FBXO16: variants seen among roughly 807,000 people sequenced by gnomAD.
The protein encoded by FBXO16 is F-box only protein 16.
In FBXO16, 31 loss-of-function variants were observed where a neutral mutation model predicts 41.0. That is an observed-to-expected ratio of 0.76 (90% CI 0.57 to 1.02). The LOEUF (loss-of-function observed/expected upper bound fraction) is 1.02. FBXO16 is among the 50% of genes least tolerant of loss of function. The pLI is 0.00. For synonymous variants in FBXO16, 133 were observed against 117.8 expected (o/e 1.13, Z -0.84); for missense variants, 361 against 346.2 (o/e 1.04, Z -0.34).
intron 7 of FBXO16, among the ~76,000 whole-genome samples, chr8:28,446,435 A>C (rs1246375617): frequency 6.6e-6 from 1 of 151,064 alleles, no homozygotes. Flanking sequence ...AGCCTCCCAA[A>C]GTACTGGGAT....
intron 4 of FBXO16, 54 bp downstream of exon 4, chr8:28,463,557 CA>C: frequency 1.3e-6 from 2 of 1,580,008 alleles, no homozygotes; most frequent in East Asian, 2.2e-5. Flanking sequence ...TTTCAAGTTT[CA>C]AGTTTCCTAA....
intron 4 of FBXO16, among the ~76,000 whole-genome samples, chr8:28,461,622 A>G (rs1803136132): frequency 6.6e-6 from 1 of 151,302 alleles, no homozygotes; most frequent in Non-Finnish European, 1.5e-5. Context: ...AGCCCTTTGC[A>G]TGCAATCGAT....
At chr8:28,460,127 G>A (rs1295655849) in intron 4 of FBXO16, among the ~76,000 whole-genome samples, 2 of 148,452 alleles carry the variant, frequency 1.3e-5, no homozygotes, top group Non-Finnish European at 1.5e-5. Context: ...CTATCCCCCA[G>A]TTACCCATTC....
intron 5 of FBXO16, among the ~76,000 whole-genome samples, chr8:28,455,036 AC>A (rs1364062513): frequency 1.3e-5 from 2 of 151,906 alleles, no homozygotes; most frequent in Non-Finnish European, 2.9e-5. Flanking sequence ...TATATGTGCT[AC>A]TGAAACATGC....
intron 2 of FBXO16, among the ~76,000 whole-genome samples, chr8:28,480,814 T>C (rs1803498855): frequency 1.3e-5 from 2 of 152,094 alleles, no homozygotes; most frequent in Admixed American, 1.3e-4. Context: ...CCTGACTCCA[T>C]TTCTTATGCT....
chr8:28,437,599 G>A (rs1193100825), intron 7 of FBXO16, among the ~76,000 whole-genome samples: 2 of 152,204 alleles, frequency 1.3e-5, no homozygotes, highest in East Asian at 1.9e-4. Flanking sequence ...CTGGCTAGGC[G>A]CCGTGACCCA....
intron 5 of FBXO16, among the ~76,000 whole-genome samples, chr8:28,455,115 G>T (rs1299412949): frequency 1.4e-5 from 2 of 148,036 alleles, no homozygotes; most frequent in African/African-American, 5.0e-5. Flanking sequence ...TTGCTCTATC[G>T]CCCAGGATGT....
intron 2 of FBXO16, among the ~76,000 whole-genome samples, chr8:28,477,081 T>A (rs891068220): frequency 1.3e-5 from 2 of 150,852 alleles, no homozygotes; most frequent in African/African-American, 4.9e-5. Flanking sequence ...ACTAATCTGT[T>A]ATATATGCCT....
intron 6 of FBXO16, among the ~76,000 whole-genome samples, chr8:28,451,857 G>T (rs931586642): frequency 6.6e-6 from 1 of 152,034 alleles, no homozygotes; most frequent in Admixed American, 6.5e-5. Context: ...CGTGGCGGTC[G>T]CCTGTAGCCC....
chr8:28,440,774 G>C (rs1205566914), intron 7 of FBXO16, among the ~76,000 whole-genome samples: 1 of 152,206 alleles, frequency 6.6e-6, no homozygotes, highest in Non-Finnish European at 1.5e-5. Flanking sequence ...TTGTATTTAA[G>C]TGAATGCTCT....
At chr8:28,475,924 T>A (rs1219983693) in intron 2 of FBXO16, among the ~76,000 whole-genome samples, 3 of 152,204 alleles carry the variant, frequency 2.0e-5, no homozygotes, top group East Asian at 3.8e-4. Context: ...AAAGAGGTTA[T>A]ATTTACAGAT....
chr8:28,437,341 A>C (rs1010298197), intron 7 of FBXO16, among the ~76,000 whole-genome samples: 11 of 152,210 alleles, frequency 7.2e-5, no homozygotes, highest in Non-Finnish European at 1.6e-4. Context: ...AAGACACAAC[A>C]AGTAAACTCG....
At chr8:28,473,358 C>G (rs906537291) in intron 3 of FBXO16, among the ~76,000 whole-genome samples, 2 of 152,116 alleles carry the variant, frequency 1.3e-5, no homozygotes, top group Non-Finnish European at 2.9e-5. Flanking sequence ...GTTTACATCA[C>G]CCCCAAATTC....
intron 7 of FBXO16, among the ~76,000 whole-genome samples, chr8:28,432,405 C>A (rs925809545): frequency 1.3e-5 from 2 of 151,772 alleles, no homozygotes; most frequent in Non-Finnish European, 2.9e-5. Context: ...ACCTGGGAGT[C>A]GGAGGTTGCA....
Position 28,452,272 on chromosome 8 carries a change from G to T in FBXO16, c.712C>A (p.Arg238Ser). The change falls in exon 6 of 9, where the codon CGT becomes AGT. Residue 238 changes from arginine (R) to serine (S), a missense_variant. Coordinates refer to ENST00000380254, the MANE Select transcript of FBXO16 (RefSeq NM_172366.4). ...DIIRFNYLDN[R>S]DPMETVQQGR... ...TGCTGGACAGTCTCCATGGGGTCACGGTTGTCTAGGTAATTAAAACGAATG... is the reference window on the plus strand; with the variant it reads ...TGCTGGACAGTCTCCATGGGGTCACTGTTGTCTAGGTAATTAAAACGAATG... The T allele has an allele frequency of 6.2e-7, 1 of 1,614,112 alleles. No homozygotes were observed. Among genetic ancestry groups the T allele is most frequent in the Non-Finnish European group, 8.5e-7 (1 of 1,180,034 alleles).
At chr8:28,466,223 C>T (rs1455135361) in intron 3 of FBXO16, among the ~76,000 whole-genome samples, 1 of 151,508 alleles carries the variant, frequency 6.6e-6, no homozygotes, top group Non-Finnish European at 1.5e-5. Flanking sequence ...AGCAAAAACT[C>T]CATCTGAAAA....
At chr8:28,432,137 G>T (rs1171927483) in intron 7 of FBXO16, among the ~76,000 whole-genome samples, 1 of 147,598 alleles carries the variant, frequency 6.8e-6, no homozygotes, top group African/African-American at 2.5e-5. Context: ...GAGTGTGTGT[G>T]TGTGTGTGTG....
intron 2 of FBXO16, among the ~76,000 whole-genome samples, chr8:28,483,044 T>C (rs753044590): frequency 2.0e-5 from 3 of 152,154 alleles, no homozygotes; most frequent in Non-Finnish European, 4.4e-5. Flanking sequence ...TTCTCAGTCC[T>C]GGTGGTTCCA....
intron 6 of FBXO16, 148 bp from the exon 7 acceptor site, chr8:28,447,421 T>C: frequency 4.7e-6 from 3 of 635,794 alleles, no homozygotes; most frequent in Non-Finnish European, 8.1e-6. Flanking sequence ...TGTCTATCAA[T>C]AGAGAACTGG....
Sources: allele counts gnomAD v4.1 joint callset (sites outside exome capture counted in the v4.1 genomes callset), GRCh38; gene constraint gnomAD v4.1.1; transcripts MANE v1.5; gene names NCBI Gene and HGNC (gene_info 2026-07-23, HGNC 2026-07-21).